Variants in SNX16 observed in about 807,000 individuals in gnomAD.
SNX16 encodes sorting nexin 16.
In SNX16, 35 loss-of-function variants were observed where a neutral mutation model predicts 36.7. That is an observed-to-expected ratio of 0.95 (90% confidence interval 0.73 to 1.27). The LOEUF (loss-of-function observed/expected upper bound fraction) is 1.27. Ranked by LOEUF, SNX16 falls within the 50% of genes most tolerant of loss-of-function variation. The pLI, the probability that SNX16 is intolerant of heterozygous loss-of-function variation, is 0.00. For missense variants in SNX16, 367 were observed against 393.6 expected (o/e 0.93, Z 0.57); for synonymous variants, 134 against 132.0 (o/e 1.02, Z -0.10).
At chr8:81,815,870 TTAAA>T (rs1289901002) in intron 4 of SNX16, among the ~76,000 whole-genome samples, 3 of 152,220 alleles carry the variant, frequency 2.0e-5, no homozygotes, top group Non-Finnish European at 4.4e-5. Context: ...ATTAATTTAC[TTAAA>T]TATTTTCCCT....
At chr8:81,826,666 G>C (rs913748925) in intron 3 of SNX16, among the ~76,000 whole-genome samples, 26 of 151,954 alleles carry the variant, frequency 1.7e-4, no homozygotes, top group African/African-American at 6.0e-4. Context: ...ATCACTCCCA[G>C]AGAAGTTGAA....
chr8:81,833,762 C>T (rs1255463600), intron 2 of SNX16, among the ~76,000 whole-genome samples: 1 of 152,138 alleles, frequency 6.6e-6, no homozygotes, highest in East Asian at 1.9e-4. Flanking sequence ...CTTTTGTGTT[C>T]TATCTCTTCT....
chr8:81,828,994 G>A (rs184000861), intron 3 of SNX16, among the ~76,000 whole-genome samples: 2 of 152,164 alleles, frequency 1.3e-5, no homozygotes, highest in Non-Finnish European at 1.5e-5. Flanking sequence ...CCAGCTAACA[G>A]CTTGATTTTG....
intron 5 of SNX16, chr8:81,808,472 TG>T (rs1810072894): frequency 5.1e-6 from 5 of 980,912 alleles, no homozygotes; most frequent in Non-Finnish European, 3.2e-6. Flanking sequence ...GCTGTGGTGG[TG>T]GGGGATATGG....
chr8:81,815,275 T>G, intron 5 of SNX16, 50 bp downstream of exon 5: 1 of 1,337,644 alleles, frequency 7.5e-7, no homozygotes, highest in Admixed American at 1.8e-5. Context: ...GTAGTTATTG[T>G]ACTGCATTAA....
chr8:81,823,364 G>A (rs113955671), intron 4 of SNX16, among the ~76,000 whole-genome samples: 26 of 151,716 alleles, frequency 1.7e-4, no homozygotes, highest in Middle Eastern at 3.4e-3. Flanking sequence ...TACCTTCTAT[G>A]TAAATTAAGC....
Position 81,839,730 on chromosome 8 carries a change from T to TC in SNX16, c.256_257insG (p.Tyr86Ter), listed in dbSNP as rs1267723984. ...TTCAGTGTCTCTTGGTCTAGTAGAA[T>TC]ACTCAATGGAAGAAGCTGTACCTGT... ...KFTGTASSIE[Y>*]STRPRDTEEQ... Residue 86 changes from tyrosine (Y) to a stop codon, truncating the protein, a stop_gained and frameshift_variant, in exon 2 of 8, where the codon TAT becomes TGAT. Coordinates refer to ENST00000345957, the MANE Select transcript of SNX16 (RefSeq NM_152836.3). LOFTEE classifies it high-confidence loss of function. 1.9e-6 allele frequency: 3 copies of TC among 1,613,902 alleles called. No homozygotes were observed. In the African/African-American group the frequency reaches 4.0e-5, roughly 22 times the overall value.
Position 81,839,891 on chromosome 8 carries a change from A to G in SNX16, c.96T>C (p.Ser32=), listed in dbSNP as rs769258405. Residue 32 remains serine, a synonymous_variant, in exon 2 of 8, where the codon AGT becomes AGC. Coordinates refer to ENST00000345957, the MANE Select transcript of SNX16 (RefSeq NM_152836.3). The part of the protein sequence containing the change: ...NRNQRSSSFG[S]VSTSSNSSKG... ...TAGAAGAATTTGAGCTTGTTGAGAC[A>G]CTGCCAAAAGAAGAACTTCTTTGAT... 1.9e-6 allele frequency: 3 copies of G among 1,614,018 alleles called. No homozygotes were observed. Among genetic ancestry groups the G allele is most frequent in the Admixed American group, 1.7e-5 (1 of 60,020 alleles).
intron 5 of SNX16, among the ~76,000 whole-genome samples, chr8:81,813,382 A>G (rs959115386): frequency 6.6e-6 from 1 of 151,912 alleles, no homozygotes; most frequent in Non-Finnish European, 1.5e-5. Context: ...ACTAAAAAAA[A>G]ATTAAGATAG....
chr8:81,818,455 T>C (rs1166625854), intron 4 of SNX16, among the ~76,000 whole-genome samples: 2 of 152,136 alleles, frequency 1.3e-5, no homozygotes, highest in African/African-American at 4.8e-5. Flanking sequence ...TAGAGAATTA[T>C]TGAATTTTTT....
chr8:81,809,928 G>A (rs1313618770), intron 5 of SNX16, among the ~76,000 whole-genome samples: 1 of 152,146 alleles, frequency 6.6e-6, no homozygotes, highest in African/African-American at 2.4e-5. Flanking sequence ...ACTGTCCTTA[G>A]AATAGTCATT....
intron 2 of SNX16, among the ~76,000 whole-genome samples, chr8:81,834,016 A>T (rs1483556901): frequency 6.6e-6 from 1 of 152,218 alleles, no homozygotes; most frequent in African/African-American, 2.4e-5. Context: ...ACACACCTAA[A>T]GTACTATGAG....
At chr8:81,839,560 G>A in intron 2 of SNX16, 52 bp downstream of exon 2, 1 of 1,498,624 alleles carries the variant, frequency 6.7e-7, no homozygotes, top group Admixed American at 2.0e-5. Flanking sequence ...TGAACACAGA[G>A]ATTAGCCAAT....
intron 4 of SNX16, among the ~76,000 whole-genome samples, chr8:81,818,436 T>C (rs1187266809): frequency 6.6e-6 from 1 of 152,128 alleles, no homozygotes; most frequent in Non-Finnish European, 1.5e-5. Flanking sequence ...TTAAGTATTC[T>C]TGTTCAAGTA....
intron 4 of SNX16, among the ~76,000 whole-genome samples, chr8:81,822,525 C>G (rs1474527982): frequency 6.6e-6 from 1 of 151,772 alleles, no homozygotes; most frequent in Non-Finnish European, 1.5e-5. Flanking sequence ...AGGAGGAAGA[C>G]CAGTGAGAAA....
At chr8:81,822,136 T>C (rs568624587) in intron 4 of SNX16, among the ~76,000 whole-genome samples, 13 of 152,114 alleles carry the variant, frequency 8.5e-5, no homozygotes, top group Admixed American at 7.2e-4. Context: ...GACTCTGTGA[T>C]AGAGAACTGA....
intron 4 of SNX16, among the ~76,000 whole-genome samples, chr8:81,822,719 C>T (rs994387369): frequency 6.6e-6 from 1 of 151,860 alleles, no homozygotes; most frequent in African/African-American, 2.4e-5. Flanking sequence ...GGAAAAAAGT[C>T]TGCATACTAA....
intron 5 of SNX16, among the ~76,000 whole-genome samples, chr8:81,809,267 T>C (rs750949349): frequency 7.2e-5 from 11 of 152,128 alleles, no homozygotes; most frequent in Non-Finnish European, 1.6e-4. Context: ...AGTTCACCAT[T>C]AAAAGGGATT....
At chr8:81,822,532 G>C (rs1810792180) in intron 4 of SNX16, among the ~76,000 whole-genome samples, 1 of 152,128 alleles carries the variant, frequency 6.6e-6, no homozygotes, top group South Asian at 2.1e-4. Flanking sequence ...AGACCAGTGA[G>C]AAAGCATCTA....
Sources: allele counts gnomAD v4.1 joint callset (sites outside exome capture counted in the v4.1 genomes callset), GRCh38; gene constraint gnomAD v4.1.1; transcripts MANE v1.5; gene names NCBI Gene and HGNC (gene_info 2026-07-23, HGNC 2026-07-21).